Variants in ABCA2 observed in about 807,000 individuals in gnomAD.
ABCA2 encodes the protein ATP binding cassette subfamily A member 2.
A neutral mutation model predicts 262.8 loss-of-function variants in ABCA2; 84 were observed. That is an observed-to-expected ratio of 0.32 (90% CI 0.27 to 0.38). The LOEUF (loss-of-function observed/expected upper bound fraction) is 0.38, where lower values mean the gene tolerates loss of function less well. Ranked by LOEUF, ABCA2 falls within the 10% of genes least tolerant of loss-of-function variation. ABCA2 has a pLI of 1.00. For synonymous variants in ABCA2, 1,696 were observed against 1,502.9 expected, an observed-to-expected ratio of 1.13 and a Z score of -2.97; for missense variants, 2,662 against 3,405.9, an observed-to-expected ratio of 0.78 and a Z score of 5.44.
intron 5 of ABCA2, 40 bp from the exon 6 acceptor site, chr9:137,022,518 C>A (rs754830361): frequency 6.2e-7 from 1 of 1,600,432 alleles, no homozygotes; most frequent in South Asian, 1.1e-5. Flanking sequence ...GCCGCTGCAC[C>A]TTGGCAAGGT....
In ABCA2 at chr9:137,017,299, C is replaced by T. The variant is rs2131451920; in HGVS notation, c.2450G>A (p.Cys817Tyr). Residue 817 changes from cysteine (C) to tyrosine (Y), a missense_variant, in exon 18 of 49, where the codon TGC becomes TAC. Cys to Tyr is a radical substitution (Grantham distance 194, BLOSUM62 -2). Around this residue, in one of 12 missense-constraint regions of ABCA2, gnomAD observed 188 missense variants for 343.4 expected, o/e 0.55. Transcript: ENST00000341511. ...LYSKAKLASA[C>Y]GGIIYFLSYV... ...GCTCAGGAAGTAGATGATGCCACCG[C>T]AGGCCGAGGCCAGCTTGGCCTTGGA... 1 of 1,612,698 alleles carries T rather than the reference C, an allele frequency of 6.2e-7. No individual in the cohort carries two copies. Among genetic ancestry groups the T allele is most frequent in the South Asian group, 1.1e-5 (1 of 91,086 alleles).
In ABCA2 at chr9:137,014,933, C is replaced by A. The variant is rs748705066; in HGVS notation, c.3862G>T (p.Ala1288Ser). ...ILPSEAAKKG[A>S]FERLFQHLER... Reference sequence around the variant, plus strand: ...CACACCTGGAAGAGGCGCTCGAAAGCCCCCTTCTTGGCGGCCTCGCTGGGC... The same window carrying A: ...CACACCTGGAAGAGGCGCTCGAAAGACCCCTTCTTGGCGGCCTCGCTGGGC... The change falls in exon 25 of 49, where the codon GCT (alanine) becomes TCT (serine). Residue 1288 changes from alanine to serine, a missense_variant. This residue lies in a region of ABCA2 where 297 missense variants were observed against 286.5 expected (regional missense o/e 1.04). Coordinates refer to ENST00000341511, the MANE Select transcript of ABCA2 (RefSeq NM_001606.5). 1.9e-6 allele frequency: 3 copies of A among 1,567,220 alleles called. No homozygotes were observed. The African/African-American group carries it at 4.1e-5, about 21-fold the overall frequency.
At chr9:137,016,208 C>T in intron 21 of ABCA2, 34 bp from the exon 22 acceptor site, 1 of 1,611,438 alleles carries the variant, frequency 6.2e-7, no homozygotes, top group Non-Finnish European at 8.5e-7. Context: ...ACCCCACGCC[C>T]TCTGCAGGGG....
rs1831715507 is a variant in ABCA2, at chr9:137,028,011, AGCGCGCCTCTGGCCGCGGT to A, written c.66+45_66+63del. On this transcript the variant is annotated intron_variant, in intron 1 of 48. Transcript: ENST00000341511. The surrounding 1 kb of genome is among the most constrained non-coding windows in gnomAD (Gnocchi z 6.9). ...CGGCCGTCCGCACGTGCGCGCGGGG[AGCGCGCCTCTGGCCGCGGT>A]GCGCGCGGCCTCGGGCTGAGGGCGG... The A allele has an allele frequency of 1.1e-6, 1 of 878,002 alleles. No homozygotes were observed. The highest frequency in any genetic ancestry group is 1.4e-6 in the Non-Finnish European group (1 of 735,240). The allele number at this position is 878,002 out of a possible 1,614,324, so 54.4% of individuals were successfully genotyped here.
chr9:137,020,113 C>T, intron 10 of ABCA2: 1 of 608,242 alleles, frequency 1.6e-6, no homozygotes, highest in South Asian at 2.0e-5. Context: ...GAGGACCCTG[C>T]CAGAGCAGAC....
At chr9:137,013,718 C>T in intron 28 of ABCA2, 114 bp downstream of exon 28, 1 of 1,387,874 alleles carries the variant, frequency 7.2e-7, no homozygotes, top group South Asian at 1.3e-5. Context: ...CGTGCCCAGC[C>T]TCAGGTGTGG....
chr9:137,017,509 T>C lies in ABCA2; in HGVS notation c.2395A>G (p.Met799Val). The part of the protein sequence containing the change: ...FLAVYAVATI[M>V]FCFLVSVLYS... ...ACCATGGCCCGCGCTCACCAGAACA[T>C]GATGGTGGCCACCGCGTAGACTGCC... is the stretch of plus-strand genomic sequence containing the variant. Residue 799 changes from methionine to valine, a missense_variant, in exon 17 of 49, where the codon ATG becomes GTG. Transcript: ENST00000341511. 6.2e-7 allele frequency: 1 copy of C among 1,607,412 alleles called. No homozygotes were observed. Among genetic ancestry groups the C allele is most frequent in the Non-Finnish European group, 8.5e-7 (1 of 1,175,670 alleles).
Position 137,017,128 on chromosome 9 carries a change from A to C in ABCA2, c.2554-4T>G, listed in dbSNP as rs759533786. On this transcript the variant is annotated splice_polypyrimidine_tract_variant and splice_region_variant and intron_variant, in intron 18 of 48. Transcript: ENST00000341511. ...AGGCCGTCGTGGACATGAGGGACTGAGAAGGCAGTGGTGTCAGCACGTGGG... is the reference window on the plus strand; with the variant it reads ...AGGCCGTCGTGGACATGAGGGACTGCGAAGGCAGTGGTGTCAGCACGTGGG... The C allele has an allele frequency of 6.2e-7, 1 of 1,612,306 alleles. No homozygotes were observed. Among genetic ancestry groups the C allele is most frequent in the Non-Finnish European group, 8.5e-7 (1 of 1,179,634 alleles).
In ABCA2 at chr9:137,012,546, G is replaced by A. The variant is rs1247035088; in HGVS notation, c.5126C>T (p.Ala1709Val). ...TFGNVLKSIPASFGTRAPPMV... is the reference protein window; with the variant it reads ...TFGNVLKSIPVSFGTRAPPMV... ...GGGTGGGGCCCTGGTGCCAAATGAG[G>A]CTGGGATGGACTTCAGGACGTTTCC... The change falls in exon 32 of 49, where the codon GCC (alanine) becomes GTC (valine). Residue 1709 changes from alanine (A) to valine (V), a missense_variant. Coordinates refer to ENST00000341511, the MANE Select transcript of ABCA2 (RefSeq NM_001606.5). The A allele has an allele frequency of 5.0e-6, 8 of 1,612,076 alleles. No homozygotes were observed. The East Asian group carries it at 1.8e-4, about 36-fold the overall frequency.
chr9:137,028,311 C>T (rs1363122973), upstream of ABCA2: 1 of 968,044 alleles, frequency 1.0e-6, no homozygotes, highest in Non-Finnish European at 1.2e-6. The surrounding 1 kb of genome is among the most constrained non-coding windows in gnomAD (Gnocchi z 6.9). Flanking sequence ...GACAGCGACT[C>T]TGCCCGCGCC....
At chr9:137,024,948 G>A (rs1321573105) in intron 1 of ABCA2, among the ~76,000 whole-genome samples, 2 of 152,120 alleles carry the variant, frequency 1.3e-5, no homozygotes, top group African/African-American at 4.8e-5. Flanking sequence ...ACAGGCGCCC[G>A]CCACCATGCC....
Position 137,021,827 on chromosome 9 carries a change from G to C in ABCA2, c.678+64C>G. On this transcript the variant is annotated intron_variant, in intron 7 of 48. Transcript: ENST00000341511. This position sits in a 1 kb window ranked among gnomAD's most constrained non-coding sequence, Gnocchi z 6.0. ...CCAAAGGGGCCCTTTCCTCACCCAC[G>C]GAGCAGAAGCACCCCCAGAGGCAGG... 1 of 1,452,708 alleles carries C rather than the reference G, an allele frequency of 6.9e-7. No individual in the cohort carries two copies. Among genetic ancestry groups the C allele is most frequent in the Non-Finnish European group, 9.5e-7 (1 of 1,057,390 alleles). 90.0% of individuals were successfully genotyped at this position (1,452,708 alleles called of 1,614,324 possible).
At chr9:137,013,608 C>T in intron 28 of ABCA2, 45 bp from the exon 29 acceptor site, 2 of 1,547,966 alleles carry the variant, frequency 1.3e-6, no homozygotes, top group Non-Finnish European at 1.8e-6. Flanking sequence ...TGCCCTCTGG[C>T]CAGCGGCCCC....
chr9:137,011,166 C>T lies in ABCA2; in HGVS notation c.5923+20G>A, dbSNP rs201130567. On this transcript the variant is annotated intron_variant, in intron 38 of 48. Transcript: ENST00000341511. This position sits in a 1 kb window ranked among gnomAD's most constrained non-coding sequence, Gnocchi z 8.8. Reference sequence around the variant, plus strand: ...CTTGCGGGGCCCCCACCGCCTTCCCCGCCCCACGGGCCCCCTCACCAATCT... The same window carrying T: ...CTTGCGGGGCCCCCACCGCCTTCCCTGCCCCACGGGCCCCCTCACCAATCT... 4.5e-5 allele frequency: 72 copies of T among 1,612,246 alleles called. No homozygotes were observed. Among genetic ancestry groups the T allele is most frequent in the Non-Finnish European group, 5.2e-5 (61 of 1,179,764 alleles).
In ABCA2 at chr9:137,023,972, C is replaced by T. The variant is rs539405411; in HGVS notation, c.161-132G>A. 126 of 1,531,430 alleles carry T rather than the reference C, an allele frequency of 8.2e-5. 1 individual carries two copies. In the Middle Eastern group the frequency reaches 1.2e-3, roughly 15 times the overall value. The allele number at this position is 1,531,430 out of a possible 1,614,324, so 94.9% of individuals were successfully genotyped here. Reference sequence around the variant, plus strand: ...ATCATTCGCGGCCACAGGCCAGCCCCGACCTCCACAGCCCAGCCAGGAGGC... The same window carrying T: ...ATCATTCGCGGCCACAGGCCAGCCCTGACCTCCACAGCCCAGCCAGGAGGC... On this transcript the variant is annotated intron_variant, in intron 2 of 48. Coordinates refer to ENST00000341511, the MANE Select transcript of ABCA2 (RefSeq NM_001606.5).
intron 29 of ABCA2, 49 bp downstream of exon 29, chr9:137,013,411 GC>G (rs762482718): frequency 1.2e-6 from 1 of 859,002 alleles, no homozygotes; most frequent in South Asian, 1.5e-5. Flanking sequence ...GGCTGTCCCC[GC>G]CCCTTCACTC....
rs373639242 is a variant in ABCA2, at chr9:137,012,728, G to T, written c.5065C>A (p.Arg1689Ser). Reference sequence around the variant, plus strand: ...CCAGCTCACCGGTGCAGTCGGAAGCGGTCGGAGGTGAAGAGCAGGTACTCA... The same window carrying T: ...CCAGCTCACCGGTGCAGTCGGAAGCTGTCGGAGGTGAAGAGCAGGTACTCA... ...VSEYLLFTSDRFRLHRYGAIT... is the reference protein window; with the variant it reads ...VSEYLLFTSDSFRLHRYGAIT... Residue 1689 changes from arginine (R) to serine (S), a missense_variant, in exon 31 of 49, where the codon CGC becomes AGC. This residue lies in a region of ABCA2 where 602 missense variants were observed against 897.4 expected (regional missense o/e 0.67). Coordinates refer to ENST00000341511, the MANE Select transcript of ABCA2 (RefSeq NM_001606.5). 12 of 1,612,590 alleles carry T rather than the reference G, an allele frequency of 7.4e-6. No individual in the cohort carries two copies. The highest frequency in any genetic ancestry group is 1.0e-5 in the Non-Finnish European group (12 of 1,179,876).
intron 2 of ABCA2, 21 bp downstream of exon 2, chr9:137,024,121 TG>T (rs1564232554): frequency 3.8e-6 from 6 of 1,595,118 alleles, no homozygotes; most frequent in Non-Finnish European, 5.1e-6. Context: ...CGGCTGTGCC[TG>T]GGGCCTCCTG....
In ABCA2 at chr9:137,017,611, C is replaced by T. The variant is rs768803828; in HGVS notation, c.2293G>A (p.Val765Met). Residue 765 changes from valine to methionine, a missense_variant, in exon 17 of 49, where the codon GTG (valine) becomes ATG (methionine). Coordinates refer to ENST00000341511, the MANE Select transcript of ABCA2 (RefSeq NM_001606.5). ...TTCAGGATGGCGGTGAGTGCTGTCA[C>T]GGAGATGGACAGCTGCACAAAGCCG... ...ITGFVQLSISVTALTAILKYG... is the reference protein window; with the variant it reads ...ITGFVQLSISMTALTAILKYG... 2 of 1,612,778 alleles carry T rather than the reference C, an allele frequency of 1.2e-6. No individual in the cohort carries two copies. The highest frequency in any genetic ancestry group is 1.7e-6 in the Non-Finnish European group (2 of 1,179,942).
Sources: allele counts gnomAD v4.1 joint callset (sites outside exome capture counted in the v4.1 genomes callset), GRCh38; gene constraint gnomAD v4.1.1; regional missense constraint gnomAD v4.1.1; non-coding constraint Gnocchi (gnomAD v3.1); transcripts MANE v1.5; gene names NCBI Gene and HGNC (gene_info 2026-07-23, HGNC 2026-07-21).